DGKG: variants seen among roughly 807,000 people sequenced by gnomAD.
DGKG encodes the protein DAG kinase gamma.
A neutral mutation model predicts 105.3 loss-of-function variants in DGKG; 78 were observed. The observed-to-expected ratio is 0.74, with a 90% CI of 0.62 to 0.89. DGKG has a LOEUF of 0.89. Ranked by LOEUF, DGKG falls within the 40% of genes least tolerant of loss-of-function variation. DGKG has a pLI of 0.00. For synonymous variants in DGKG, 346 were observed against 367.1 expected (o/e 0.94, Z 0.66); for missense variants, 958 against 1,020.1 (o/e 0.94, Z 0.83).
At chr3:186,243,039 A>G (rs1720763747) in intron 19 of DGKG, among the ~76,000 whole-genome samples, 1 of 152,034 alleles carries the variant, frequency 6.6e-6, no homozygotes, top group South Asian at 2.1e-4. Flanking sequence ...AATAGCATAG[A>G]GTTCCTAGGT....
At chr3:186,218,498 G>A (rs535444064) in intron 20 of DGKG, among the ~76,000 whole-genome samples, 8 of 65,848 alleles carry the variant, frequency 1.2e-4, no homozygotes, top group Middle Eastern at 0.014. Flanking sequence ...GCGAGACTCC[G>A]TCTGAAAAAA....
In DGKG at chr3:186,305,957, G is replaced by T. The variant is rs1336535638; in HGVS notation, c.144+944C>A. Reference sequence around the variant, plus strand: ...CATGTTAAGTTTGAGATGCCCATTTGATTTTTAAGTGTAAATGTCAAGTAG... The same window carrying T: ...CATGTTAAGTTTGAGATGCCCATTTTATTTTTAAGTGTAAATGTCAAGTAG... On this transcript the variant is annotated intron_variant, in intron 3 of 24. Coordinates refer to ENST00000265022, the MANE Select transcript of DGKG (RefSeq NM_001346.3). Among the ~76,000 whole-genome samples, 3 of 152,134 alleles carry T rather than the reference G, an allele frequency of 2.0e-5. No individual in the cohort carries two copies. In the East Asian group the frequency reaches 5.8e-4, roughly 29 times the overall value.
chr3:186,157,994 C>T (rs578023238), intron 24 of DGKG: 253 of 198,650 alleles, frequency 1.3e-3, no homozygotes, highest in African/African-American at 5.6e-3. Flanking sequence ...TGAGCCACCA[C>T]GCCCGGCCTT....
At chr3:186,266,994 T>G (rs1722084847) in intron 13 of DGKG, among the ~76,000 whole-genome samples, 1 of 152,222 alleles carries the variant, frequency 6.6e-6, no homozygotes, top group South Asian at 2.1e-4. Flanking sequence ...GATGGGAAGA[T>G]GGCAAAATTA....
intron 22 of DGKG, among the ~76,000 whole-genome samples, chr3:186,181,955 C>T (rs561024876): frequency 5.0e-4 from 76 of 152,318 alleles, no homozygotes; most frequent in Non-Finnish European, 8.7e-4. Flanking sequence ...GAAGCCTCTG[C>T]ATTTATATTT....
At chr3:186,228,126 T>A (rs1242486693) in intron 20 of DGKG, among the ~76,000 whole-genome samples, 1 of 152,184 alleles carries the variant, frequency 6.6e-6, no homozygotes, top group Admixed American at 6.5e-5. Context: ...ACATGCGGAT[T>A]CTTTTTTTCA....
At chr3:186,327,397 T>A (rs898195787) in intron 1 of DGKG, among the ~76,000 whole-genome samples, 1 of 150,928 alleles carries the variant, frequency 6.6e-6, no homozygotes, top group South Asian at 2.1e-4. Flanking sequence ...CTTCTTTTTT[T>A]TTTTTTTGAG....
At chr3:186,158,613 A>G in intron 24 of DGKG, 1 of 921,512 alleles carries the variant, frequency 1.1e-6, no homozygotes, top group Non-Finnish European at 1.3e-6. Context: ...TGAATGCCTG[A>G]ACAAATATGA....
rs967255744 is a variant in DGKG at position 186,284,877 on chromosome 3, G to A, written c.545-168C>T. ...CAGAGTCTGACTTCCTTACAGAGAGGCTGGGCCAAGGGAGGAGAACCACCT... is the reference window on the plus strand; with the variant it reads ...CAGAGTCTGACTTCCTTACAGAGAGACTGGGCCAAGGGAGGAGAACCACCT... On this transcript the variant is annotated intron_variant, in intron 6 of 24. Transcript: ENST00000265022. This position sits in a 1 kb window ranked among gnomAD's most constrained non-coding sequence, Gnocchi z 4.0. Among the ~76,000 whole-genome samples, 4 of 152,190 alleles carry A rather than the reference G, an allele frequency of 2.6e-5. No homozygotes were observed. The highest frequency in any genetic ancestry group is 9.7e-5 in the African/African-American group (4 of 41,448).
intron 4 of DGKG, 26 bp downstream of exon 4, chr3:186,298,037 TC>T: frequency 6.3e-7 from 1 of 1,588,088 alleles, no homozygotes; most frequent in South Asian, 1.2e-5. Flanking sequence ...CGCAAGGTCT[TC>T]CCATCTTGGG....
intron 1 of DGKG, among the ~76,000 whole-genome samples, chr3:186,338,979 G>A (rs1024942716): frequency 2.0e-5 from 3 of 152,042 alleles, no homozygotes; most frequent in African/African-American, 7.2e-5. Context: ...GAGAATTTTA[G>A]TATCTGTGAA....
At chr3:186,158,989 G>T (rs1716162904) in intron 24 of DGKG, 1 of 270,628 alleles carries the variant, frequency 3.7e-6, no homozygotes, top group Non-Finnish European at 5.6e-6. Context: ...GATAAAATAA[G>T]ATATATATTA....
chr3:186,150,219 G>A, intron 24 of DGKG, 31 bp from the exon 25 acceptor site: 2 of 1,593,332 alleles, frequency 1.3e-6, no homozygotes, highest in Non-Finnish European at 8.6e-7. Context: ...ATGAATTAGT[G>A]GCATGCAAAT....
At chr3:186,175,717 A>C (rs528909278) in intron 22 of DGKG, among the ~76,000 whole-genome samples, 33 of 152,332 alleles carry the variant, frequency 2.2e-4, no homozygotes, top group Non-Finnish European at 4.6e-4. Flanking sequence ...AGCTTTACAA[A>C]GGACAGAAGC....
intron 15 of DGKG, 50 bp from the exon 16 acceptor site, chr3:186,260,563 A>T: frequency 7.2e-7 from 1 of 1,384,854 alleles, no homozygotes. Flanking sequence ...GAGAAGGAAT[A>T]TGTCATCGTG....
chr3:186,150,039 A>G lies in DGKG; in HGVS notation c.*51T>C, dbSNP rs374021027. On this transcript the variant is annotated 3_prime_UTR_variant, in exon 25 of 25. Coordinates refer to ENST00000265022, the MANE Select transcript of DGKG (RefSeq NM_001346.3). ...GCACATAAATTGTGTGTGAGTGTGC[A>G]TTATAGTTTCTTGCTTTCTCTCTTG... is the stretch of plus-strand genomic sequence containing the variant. 4 of 1,579,216 alleles carry G rather than the reference A, an allele frequency of 2.5e-6. No individual in the cohort carries two copies. The South Asian group carries it at 3.4e-5, about 14-fold the overall frequency.
At chr3:186,216,139 CAG>C (rs544617788) in intron 20 of DGKG, among the ~76,000 whole-genome samples, 7 of 152,036 alleles carry the variant, frequency 4.6e-5, no homozygotes, top group Non-Finnish European at 1.0e-4. Context: ...GCTGGGATTA[CAG>C]GCATGCGCCA....
At chr3:186,245,465 A>G (rs983724663) in intron 19 of DGKG, among the ~76,000 whole-genome samples, 2 of 152,222 alleles carry the variant, frequency 1.3e-5, no homozygotes, top group Non-Finnish European at 2.9e-5. Context: ...TACAATCAGT[A>G]GTGACTTCAT....
Position 186,299,780 on chromosome 3 carries a change from T to C in DGKG, c.145-1551A>G, listed in dbSNP as rs566143802. 1.6e-4 allele frequency among the ~76,000 whole-genome samples: 10 copies of C among 61,322 alleles called. No individual in the cohort carries two copies. In the South Asian group the frequency reaches 3.8e-3, roughly 23 times the overall value. The allele number at this position is 61,322 out of a possible 152,430, so 40.2% of individuals were successfully genotyped here. ...TTTTCTTCTTTTCTCTTTCTTTCTT[T>C]CTTTCTTTCTTTCTTTCTTTCTTTC... On this transcript the variant is annotated intron_variant, in intron 3 of 24. Transcript: ENST00000265022.
Sources: gnomAD v4.1 joint callset for allele counts (sites outside exome capture counted in the v4.1 genomes callset) on GRCh38, gnomAD v4.1.1 for gene constraint, Gnocchi (gnomAD v3.1) non-coding constraint, MANE v1.5 for transcripts, NCBI Gene and HGNC (gene_info 2026-07-23, HGNC 2026-07-21) for gene names.